The following REV3L variants were observed in gnomAD, a reference collection of about 807,000 sequenced individuals.
REV3L encodes DNA polymerase zeta catalytic subunit.
Under a neutral mutation model 299.4 loss-of-function variants are expected in REV3L, and 69 were observed. That is an observed-to-expected ratio of 0.23 (90% CI 0.19 to 0.28). The LOEUF is 0.28. Ranked by LOEUF, REV3L falls within the 10% of genes least tolerant of loss-of-function variation. REV3L has a pLI of 1.00. For missense variants in REV3L, 3,128 were observed against 3,693.8 expected, an observed-to-expected ratio of 0.85 and a Z score of 3.97; for synonymous variants, 1,238 against 1,271.4, an observed-to-expected ratio of 0.97 and a Z score of 0.56.
At chr6:111,340,801 T>C (rs535941883) in intron 21 of REV3L, among the ~76,000 whole-genome samples, 6 of 152,204 alleles carry the variant, frequency 3.9e-5, no homozygotes, top group East Asian at 3.9e-4. Flanking sequence ...TCTTCTCATA[T>C]AACATAATCC....
At chr6:111,300,676 A>G (rs188745324) in intron 31 of REV3L, among the ~76,000 whole-genome samples, 29 of 152,314 alleles carry the variant, frequency 1.9e-4, no homozygotes, top group East Asian at 1.7e-3. Flanking sequence ...CTTTACTGCA[A>G]TCTCTGAACA....
chr6:111,302,622 A>G (rs1771705203), intron 31 of REV3L, among the ~76,000 whole-genome samples: 1 of 152,154 alleles, frequency 6.6e-6, no homozygotes, highest in African/African-American at 2.4e-5. Context: ...AATTTAGTCA[A>G]GGCTGGGCAC....
intron 9 of REV3L, among the ~76,000 whole-genome samples, chr6:111,387,127 C>T (rs1172115819): frequency 6.6e-6 from 1 of 152,124 alleles, no homozygotes; most frequent in Non-Finnish European, 1.5e-5. Flanking sequence ...ATAGATACTA[C>T]AACATGTATA....
chr6:111,344,088 T>G (rs760749668), intron 20 of REV3L, 45 bp from the exon 21 acceptor site: 125 of 1,324,366 alleles, frequency 9.4e-5, no homozygotes, highest in Non-Finnish European at 1.3e-4. Flanking sequence ...CTTACATTTA[T>G]GTAGCAAATT....
Position 111,307,338 on chromosome 6 carries a change from G to A in REV3L, c.9252+23C>T. On this transcript the variant is annotated intron_variant, in intron 31 of 31. Coordinates refer to ENST00000368802, the MANE Select transcript of REV3L (RefSeq NM_001372078.1). ...GTAAGATCAGACTGCTTGTGATTCT[G>A]GGCCCATGGAACAAAACTGTACCTT... The A allele has an allele frequency of 1.9e-6, 3 of 1,595,866 alleles. No individual in the cohort carries two copies. The South Asian group carries it at 3.3e-5, about 18-fold the overall frequency.
At chr6:111,389,015 A>C (rs1287477439) in intron 7 of REV3L, 91 bp downstream of exon 7, 1 of 927,410 alleles carries the variant, frequency 1.1e-6, no homozygotes, top group African/African-American at 1.7e-5. Context: ...TTGAAAAGTA[A>C]AATCTAATGT....
intron 20 of REV3L, among the ~76,000 whole-genome samples, chr6:111,345,170 A>T (rs1360716584): frequency 2.0e-5 from 3 of 152,192 alleles, no homozygotes; most frequent in African/African-American, 7.2e-5. Flanking sequence ...CAGTTCTACT[A>T]AATAGTTCTA....
At chr6:111,412,567 T>A (rs1197189743) in intron 2 of REV3L, among the ~76,000 whole-genome samples, 2 of 152,158 alleles carry the variant, frequency 1.3e-5, no homozygotes, top group African/African-American at 2.4e-5. Flanking sequence ...ACCCAATCAC[T>A]CTTTATTTAA....
intron 11 of REV3L, 27 bp downstream of exon 11, chr6:111,379,955 A>G: frequency 7.4e-7 from 1 of 1,355,866 alleles, no homozygotes; most frequent in Non-Finnish European, 1.0e-6. Flanking sequence ...AAAGTTAATA[A>G]AACAACTGCA....
chr6:111,405,246 C>T (rs1016392666), intron 4 of REV3L, among the ~76,000 whole-genome samples: 4 of 152,008 alleles, frequency 2.6e-5, no homozygotes, highest in African/African-American at 7.2e-5. Context: ...CCTCTTTAAA[C>T]GGATATAAAT....
At chr6:111,421,059 C>T (rs760189522) in intron 1 of REV3L, among the ~76,000 whole-genome samples, 18 of 152,058 alleles carry the variant, frequency 1.2e-4, no homozygotes, top group South Asian at 2.1e-4. Context: ...ACCCGGGAGG[C>T]GGAGGTTGCA....
At chr6:111,337,767 A>G (rs1303995882) in intron 21 of REV3L, among the ~76,000 whole-genome samples, 1 of 152,204 alleles carries the variant, frequency 6.6e-6, no homozygotes, top group Non-Finnish European at 1.5e-5. Flanking sequence ...ACCCCTCAAC[A>G]ATACAAAACT....
In REV3L at chr6:111,325,526, G is replaced by A. The variant is rs73765946; in HGVS notation, c.8242-2848C>T. ...CATATTCTCCTTATATGCTTACAAA[G>A]TCTCATCTTTCTCTATGATAGTCCA... On this transcript the variant is annotated intron_variant, in intron 25 of 31. Coordinates refer to ENST00000368802, the MANE Select transcript of REV3L (RefSeq NM_001372078.1). Among the ~76,000 whole-genome samples the A allele has an allele frequency of 1.6e-3, 237 of 152,276 alleles. 3 individuals carry two copies. The highest frequency in any genetic ancestry group is 5.1e-3 in the African/African-American group (213 of 41,544).
chr6:111,475,673 T>C (rs1236891888), intron 1 of REV3L, among the ~76,000 whole-genome samples: 1 of 152,212 alleles, frequency 6.6e-6, no homozygotes, highest in Non-Finnish European at 1.5e-5. Flanking sequence ...TAGTTCTTTG[T>C]ATTAAGAGGA....
At chr6:111,454,224 T>G (rs754052022) in intron 1 of REV3L, among the ~76,000 whole-genome samples, 1 of 151,932 alleles carries the variant, frequency 6.6e-6, no homozygotes, top group Non-Finnish European at 1.5e-5. Flanking sequence ...ATTACAGGCT[T>G]GAGCTACTGT....
At chr6:111,431,547 C>T in intron 1 of REV3L, 1 of 811,922 alleles carries the variant, frequency 1.2e-6, no homozygotes, top group South Asian at 1.5e-5. Context: ...CCAACATGAT[C>T]TGTCTCTTGG....
chr6:111,426,448 A>C (rs1441567119), intron 1 of REV3L, among the ~76,000 whole-genome samples: 1 of 152,242 alleles, frequency 6.6e-6, no homozygotes, highest in East Asian at 1.9e-4. Flanking sequence ...CTAGAAGGGA[A>C]TCAATTAACC....
intron 3 of REV3L, among the ~76,000 whole-genome samples, chr6:111,408,114 G>C (rs1783838778): frequency 6.6e-6 from 1 of 152,220 alleles, no homozygotes; most frequent in Non-Finnish European, 1.5e-5. Flanking sequence ...ATAGCCGACA[G>C]ATGGAAGCGA....
At chr6:111,464,254 G>A (rs1034635770) in intron 1 of REV3L, among the ~76,000 whole-genome samples, 4 of 152,138 alleles carry the variant, frequency 2.6e-5, no homozygotes, top group African/African-American at 9.7e-5. Flanking sequence ...TCATCTAAGT[G>A]GGTTGTATAC....
Sources: gnomAD v4.1 joint callset for allele counts (sites outside exome capture counted in the v4.1 genomes callset) on GRCh38, gnomAD v4.1.1 for gene constraint, MANE v1.5 for transcripts, NCBI Gene and HGNC (gene_info 2026-07-23, HGNC 2026-07-21) for gene names.